HEMK2: variants seen among roughly 807,000 people sequenced by gnomAD.
HEMK2 encodes methyltransferase HEMK2.
the HEMK2 span, among the ~76,000 whole-genome samples, chr21:28,630,935 T>C: frequency 6.6e-6 from 1 of 151,910 alleles, no homozygotes; most frequent in Non-Finnish European, 1.5e-5. Flanking sequence ...ATAATAATAA[T>C]AAAATTTTAA....
the HEMK2 span, among the ~76,000 whole-genome samples, chr21:28,876,962 A>G: frequency 3.2e-4 from 48 of 147,820 alleles, no homozygotes; most frequent in African/African-American, 1.1e-3. Flanking sequence ...AAATAAAACT[A>G]AGAAGACTGA....
chr21:28,788,381 G>A, the HEMK2 span, among the ~76,000 whole-genome samples: 2 of 151,768 alleles, frequency 1.3e-5, no homozygotes, highest in Admixed American at 6.6e-5. Context: ...GCAGTGACCT[G>A]GATGAGACTG....
the HEMK2 span, among the ~76,000 whole-genome samples, chr21:28,627,743 C>T: frequency 6.6e-6 from 1 of 152,250 alleles, no homozygotes; most frequent in East Asian, 1.9e-4. Context: ...CCCAAGTTAC[C>T]ACACCTAAGT....
At chr21:28,774,374 G>A in the HEMK2 span, among the ~76,000 whole-genome samples, 8 of 152,102 alleles carry the variant, frequency 5.3e-5, no homozygotes, top group Non-Finnish European at 7.4e-5. Flanking sequence ...GGATCACTGA[G>A]GCCAGGAGTT....
At chr21:28,866,261 A>G in the HEMK2 span, among the ~76,000 whole-genome samples, 6 of 151,176 alleles carry the variant, frequency 4.0e-5, no homozygotes, top group African/African-American at 1.5e-4. Flanking sequence ...GGATCACTTG[A>G]GCTTGAGAGG....
At chr21:28,578,543 C>A in the HEMK2 span, among the ~76,000 whole-genome samples, 1 of 152,136 alleles carries the variant, frequency 6.6e-6, no homozygotes, top group Non-Finnish European at 1.5e-5. Context: ...ACAGAGTGAA[C>A]AATCAGGAGG....
the HEMK2 span, among the ~76,000 whole-genome samples, chr21:28,734,494 T>G: frequency 3.0e-4 from 45 of 152,196 alleles, no homozygotes; most frequent in Admixed American, 5.9e-4. Flanking sequence ...CCTGAGCTCC[T>G]GATCATAGAA....
chr21:28,828,009 T>C, the HEMK2 span, among the ~76,000 whole-genome samples: 1 of 152,216 alleles, frequency 6.6e-6, no homozygotes, highest in African/African-American at 2.4e-5. Flanking sequence ...GTATATGTAA[T>C]GTAGAGTATC....
the HEMK2 span, among the ~76,000 whole-genome samples, chr21:28,725,782 T>C: frequency 6.6e-6 from 1 of 152,226 alleles, no homozygotes. Flanking sequence ...ACTCATCTAT[T>C]CCCTAAAATA....
At chr21:28,822,205 C>A in the HEMK2 span, among the ~76,000 whole-genome samples, 22 of 152,148 alleles carry the variant, frequency 1.4e-4, no homozygotes, top group Non-Finnish European at 3.1e-4. Flanking sequence ...TAGAAGCACT[C>A]AGGGAGGTAT....
the HEMK2 span, among the ~76,000 whole-genome samples, chr21:28,676,403 C>T: frequency 2.5e-3 from 376 of 152,304 alleles, 13 homozygotes; most frequent in East Asian, 0.064. Context: ...CCTTCAAAGA[C>T]CCTATTTCCA....
At chr21:28,597,910 T>C in the HEMK2 span, among the ~76,000 whole-genome samples, 2 of 152,012 alleles carry the variant, frequency 1.3e-5, no homozygotes, top group Non-Finnish European at 2.9e-5. Context: ...ATGTTAAGGA[T>C]GGAAGAAACT....
the HEMK2 span, among the ~76,000 whole-genome samples, chr21:28,636,853 A>G: frequency 8.5e-5 from 13 of 152,192 alleles, no homozygotes; most frequent in African/African-American, 3.1e-4. Context: ...CGAGTCCCTC[A>G]TACAGCATTG....
chr21:28,841,194 TATATATTATATA>T, the HEMK2 span, among the ~76,000 whole-genome samples: 6 of 21,468 alleles, frequency 2.8e-4, no homozygotes, highest in South Asian at 6.0e-3. Context: ...TATTATAATA[TATATATTATATA>T]ATATATTATA....
At chr21:28,777,654 T>C in the HEMK2 span, among the ~76,000 whole-genome samples, 18 of 152,236 alleles carry the variant, frequency 1.2e-4, no homozygotes, top group Non-Finnish European at 2.5e-4. Flanking sequence ...CACAGCAGAA[T>C]TAAAGAACAC....
chr21:28,628,072 T>C, the HEMK2 span, among the ~76,000 whole-genome samples: 166 of 152,330 alleles, frequency 1.1e-3, 3 homozygotes, highest in East Asian at 0.012. Context: ...TCAATAAATC[T>C]CTGCTTTTGT....
chr21:28,629,675 G>A, the HEMK2 span, among the ~76,000 whole-genome samples: 1 of 152,162 alleles, frequency 6.6e-6, no homozygotes, highest in African/African-American at 2.4e-5. Flanking sequence ...TCTGATCCAG[G>A]AATAACTGTA....
chr21:28,879,931 A>T, the HEMK2 span: 1 of 1,603,490 alleles, frequency 6.2e-7, no homozygotes, highest in South Asian at 1.1e-5. Flanking sequence ...TTTTTCGGTC[A>T]ATCTTGGTAG....
chr21:28,835,235 T>A, the HEMK2 span, among the ~76,000 whole-genome samples: 4 of 151,202 alleles, frequency 2.6e-5, no homozygotes, highest in Non-Finnish European at 5.9e-5. Context: ...CCTCATGGAG[T>A]CCATTGCACC....
Sources: gnomAD v4.1 joint callset for allele counts (sites outside exome capture counted in the v4.1 genomes callset) on GRCh38, gnomAD v4.1.1 for gene constraint, MANE v1.5 for transcripts, NCBI Gene and HGNC (gene_info 2026-07-23, HGNC 2026-07-21) for gene names.